Variants in SLC9A1 observed in about 807,000 individuals in gnomAD.
SLC9A1 encodes the protein solute carrier family 9 member A1, also known as sodium/hydrogen exchanger 1.
Under a neutral mutation model 67.9 loss-of-function variants are expected in SLC9A1, and 22 were observed. The observed-to-expected ratio is 0.32, with a 90% CI of 0.23 to 0.46. SLC9A1 has a LOEUF of 0.46. Ranked by LOEUF, SLC9A1 falls within the 20% of genes least tolerant of loss-of-function variation. The pLI, the probability that SLC9A1 is intolerant of heterozygous loss-of-function variation, is 1.00. For missense variants in SLC9A1, 686 were observed against 1,094.8 expected, an observed-to-expected ratio of 0.63 and a Z score of 5.27; for synonymous variants, 421 against 471.8, an observed-to-expected ratio of 0.89 and a Z score of 1.40.
intron 1 of SLC9A1, among the ~76,000 whole-genome samples, chr1:27,143,476 G>T (rs935597577): frequency 6.6e-6 from 1 of 152,210 alleles, no homozygotes; most frequent in African/African-American, 2.4e-5. Flanking sequence ...GCTGGACTTA[G>T]AGATGACCGT....
At chr1:27,115,952 C>G (rs1377423590) in intron 1 of SLC9A1, among the ~76,000 whole-genome samples, 1 of 152,144 alleles carries the variant, frequency 6.6e-6, no homozygotes, top group Admixed American at 6.5e-5. Flanking sequence ...CCTCTGCTCT[C>G]ATTACTTACT....
At chr1:27,125,194 A>G (rs2124174577) in intron 1 of SLC9A1, among the ~76,000 whole-genome samples, 1 of 147,370 alleles carries the variant, frequency 6.8e-6, no homozygotes, top group East Asian at 2.0e-4. Context: ...CTGCAGCAGC[A>G]TCCAATCAGT....
intron 1 of SLC9A1, among the ~76,000 whole-genome samples, chr1:27,152,285 A>C (rs1226779494): frequency 6.6e-6 from 1 of 152,200 alleles, no homozygotes; most frequent in African/African-American, 2.4e-5. Context: ...TCATGCTGTC[A>C]TCCCACCAGC....
intron 1 of SLC9A1, among the ~76,000 whole-genome samples, chr1:27,128,029 T>G (rs1482696835): frequency 6.6e-6 from 1 of 152,184 alleles, no homozygotes; most frequent in African/African-American, 2.4e-5. Flanking sequence ...ACTGATGAAC[T>G]CTGCAGCTGG....
In SLC9A1 at chr1:27,114,372, C is replaced by A; in HGVS notation, c.353-86G>T. On this transcript the variant is annotated intron_variant, in intron 1 of 11. Transcript: ENST00000263980. This position sits in a 1 kb window ranked among gnomAD's most constrained non-coding sequence, Gnocchi z 5.4. ...TTGGGGATGGGCCGGGGATGAGGAG[C>A]GCAGTTGGTGAGAGGTGCACAGGCT... 1 of 1,104,988 alleles carries A rather than the reference C, an allele frequency of 9.0e-7. No individual in the cohort carries two copies. Among genetic ancestry groups the A allele is most frequent in the East Asian group, 2.5e-5 (1 of 39,334 alleles). 68.4% of individuals were successfully genotyped at this position (1,104,988 alleles called of 1,614,324 possible).
chr1:27,138,815 C>T (rs1284651185), intron 1 of SLC9A1, among the ~76,000 whole-genome samples: 2 of 152,118 alleles, frequency 1.3e-5, no homozygotes, highest in African/African-American at 4.8e-5. Context: ...CATTTTCTCC[C>T]AAGTTCATCA....
In SLC9A1 at chr1:27,153,935, G is replaced by A. The variant is rs762680665; in HGVS notation, c.352+48C>T. 20 of 1,294,118 alleles carry A rather than the reference G, an allele frequency of 1.5e-5. No individual in the cohort carries two copies. The African/African-American group carries it at 2.1e-4, about 13-fold the overall frequency. The allele number at this position is 1,294,118 out of a possible 1,614,324, so 80.2% of individuals were successfully genotyped here. On this transcript the variant is annotated intron_variant, in intron 1 of 11. Transcript: ENST00000263980. ...CAAATGGTGCGAGATGAGGCAAGAA[G>A]CTCACCAGTCTGGTGGCGGCCGCAG... is the stretch of plus-strand genomic sequence containing the variant.
At chr1:27,140,454 A>C (rs2083446812) in intron 1 of SLC9A1, among the ~76,000 whole-genome samples, 1 of 151,796 alleles carries the variant, frequency 6.6e-6, no homozygotes, top group African/African-American at 2.4e-5. Flanking sequence ...ACCTAAAACC[A>C]TCCTCCAGTG....
intron 1 of SLC9A1, among the ~76,000 whole-genome samples, chr1:27,144,041 GTTTTA>G (rs2083467297): frequency 6.6e-6 from 1 of 152,060 alleles, no homozygotes; most frequent in Admixed American, 6.6e-5. Context: ...CCATTGACAT[GTTTTA>G]TTTATTCATA....
intron 2 of SLC9A1, among the ~76,000 whole-genome samples, chr1:27,111,229 G>T (rs559392020): frequency 5.1e-4 from 78 of 152,250 alleles, no homozygotes; most frequent in Non-Finnish European, 9.3e-4. Context: ...GGCCTGAGGG[G>T]ATTCATGGGT....
chr1:27,105,711 G>A (rs773428438), intron 5 of SLC9A1, 174 bp downstream of exon 5: 3 of 720,332 alleles, frequency 4.2e-6, no homozygotes, highest in Non-Finnish European at 7.7e-6. Flanking sequence ...CTCACTTTAC[G>A]ATTGAAGAAA....
chr1:27,136,175 C>T (rs180945154), intron 1 of SLC9A1, among the ~76,000 whole-genome samples: 2 of 152,350 alleles, frequency 1.3e-5, no homozygotes, highest in Admixed American at 1.3e-4. Flanking sequence ...GCTAAGCACA[C>T]ATCCCTGTGG....
At chr1:27,152,159 C>T (rs1004575313) in intron 1 of SLC9A1, among the ~76,000 whole-genome samples, 7 of 152,184 alleles carry the variant, frequency 4.6e-5, no homozygotes, top group African/African-American at 7.2e-5. Context: ...CCCAGGGTCC[C>T]GGGCACAGCA....
At chr1:27,107,487 C>T (rs1217571758) in intron 4 of SLC9A1, among the ~76,000 whole-genome samples, 161 bp downstream of exon 4, 4 of 151,674 alleles carry the variant, frequency 2.6e-5, no homozygotes, top group Non-Finnish European at 5.9e-5. Context: ...CAGCCCAGCC[C>T]CTCCACACAA....
At chr1:27,135,238 A>C (rs537747368) in intron 1 of SLC9A1, among the ~76,000 whole-genome samples, 1 of 151,718 alleles carries the variant, frequency 6.6e-6, no homozygotes, top group Non-Finnish European at 1.5e-5. Flanking sequence ...ATTTTTGTAG[A>C]GACAGGGTCT....
At position 27,154,498 on chromosome 1, in the gene SLC9A1, G is replaced by T; in HGVS notation, c.-164C>A. On this transcript the variant is annotated 5_prime_UTR_variant, in exon 1 of 12. Coordinates refer to ENST00000263980, the MANE Select transcript of SLC9A1 (RefSeq NM_003047.5). ...TGGAAGCAATTTTCTGGGGGTGGAGGGAGGCTGGGTTTGCAATCTGGAACT... is the reference window on the plus strand; with the variant it reads ...TGGAAGCAATTTTCTGGGGGTGGAGTGAGGCTGGGTTTGCAATCTGGAACT... The T allele has an allele frequency of 1.9e-6, 1 of 531,542 alleles. No individual in the cohort carries two copies. The highest frequency in any genetic ancestry group is 3.7e-5 in the Admixed American group (1 of 27,286). The allele number at this position is 531,542 out of a possible 1,614,324, so 32.9% of individuals were successfully genotyped here. A position where few individuals can be genotyped will look rare whatever the true frequency, so the allele number is the denominator to read the frequency against.
chr1:27,131,957 T>A (rs867818293), intron 1 of SLC9A1, among the ~76,000 whole-genome samples: 11,202 of 108,220 alleles, frequency 0.1, 895 homozygotes, highest in East Asian at 0.17. Flanking sequence ...AATATATATA[T>A]ATATATATAT....
At chr1:27,119,052 C>G (rs981424535) in intron 1 of SLC9A1, among the ~76,000 whole-genome samples, 1 of 144,134 alleles carries the variant, frequency 6.9e-6, no homozygotes, top group Non-Finnish European at 1.5e-5. Context: ...AACACACACA[C>G]ACACACACAC....
intron 1 of SLC9A1, among the ~76,000 whole-genome samples, chr1:27,144,381 C>T (rs1007900590): frequency 6.6e-6 from 1 of 152,210 alleles, no homozygotes; most frequent in Non-Finnish European, 1.5e-5. Context: ...AGACCCCACC[C>T]GGCCCAGAGA....
Sources: allele counts gnomAD v4.1 joint callset (sites outside exome capture counted in the v4.1 genomes callset), GRCh38; gene constraint gnomAD v4.1.1; non-coding constraint Gnocchi (gnomAD v3.1); transcripts MANE v1.5; gene names NCBI Gene and HGNC (gene_info 2026-07-23, HGNC 2026-07-21).